NBEAL1: variants seen among roughly 807,000 people sequenced by gnomAD.
NBEAL1 encodes the protein neurobeachin like 1, also known as neurobeachin-like protein 1.
NBEAL1 carries 273 observed loss-of-function variants against 351.3 expected under a neutral mutation model. That is an observed-to-expected ratio of 0.78 (90% CI 0.70 to 0.86). NBEAL1 has a LOEUF of 0.86. Ranked by LOEUF, NBEAL1 falls within the 40% of genes least tolerant of loss-of-function variation. The pLI is 0.00. For synonymous variants in NBEAL1, 1,050 were observed against 1,086.4 expected, an observed-to-expected ratio of 0.97 and a Z score of 0.66; for missense variants, 2,961 against 3,201.3, an observed-to-expected ratio of 0.92 and a Z score of 1.81.
rs372874423 is a variant in NBEAL1 at position 203,221,930 on chromosome 2, T to G, written c.*4576T>G. 6.6e-6 allele frequency among the ~76,000 whole-genome samples: 1 copy of G among 152,270 alleles called. No homozygotes were observed. Among genetic ancestry groups the G allele is most frequent in the African/African-American group, 2.4e-5 (1 of 41,564 alleles). On this transcript the variant is annotated 3_prime_UTR_variant, in exon 56 of 56. Transcript: ENST00000683969. ...TAGGCCAAGCATGGTGGCTCATGCC[T>G]ATAATCTCAGCACTTTAGGAGGCTG...
At position 203,223,196 on chromosome 2, in the gene NBEAL1, C is replaced by T. The variant is rs1663179691; in HGVS notation, c.*5842C>T. ...GTGGCTTTAGTGATAAGTAAAAGGG[C>T]ACATTCAACAATATTTACCTTTGTC... On this transcript the variant is annotated 3_prime_UTR_variant, in exon 56 of 56. Coordinates refer to ENST00000683969, the MANE Select transcript of NBEAL1 (RefSeq NM_001378026.1). 1.3e-5 allele frequency among the ~76,000 whole-genome samples: 2 copies of T among 152,108 alleles called. No individual in the cohort carries two copies. Among genetic ancestry groups the T allele is most frequent in the Non-Finnish European group, 2.9e-5 (2 of 67,986 alleles).
intron 42 of NBEAL1, among the ~76,000 whole-genome samples, chr2:203,180,113 T>G (rs1379805532): frequency 6.6e-6 from 1 of 152,184 alleles, no homozygotes; most frequent in Non-Finnish European, 1.5e-5. Flanking sequence ...TTATTTGAAA[T>G]TTTTCTCCAG....
intron 10 of NBEAL1, among the ~76,000 whole-genome samples, chr2:203,096,321 A>G (rs2062183605): frequency 1.3e-5 from 2 of 152,172 alleles, no homozygotes; most frequent in South Asian, 4.1e-4. Context: ...CTCTTCCATA[A>G]CATATAATAC....
At chr2:203,146,545 C>A (rs2063518537) in intron 33 of NBEAL1, among the ~76,000 whole-genome samples, 1 of 152,114 alleles carries the variant, frequency 6.6e-6, no homozygotes, top group Non-Finnish European at 1.5e-5. Flanking sequence ...GTAATCCCAG[C>A]ACTTTAGGAG....
chr2:203,130,961 C>G (rs2063058409), intron 25 of NBEAL1, among the ~76,000 whole-genome samples: 1 of 152,148 alleles, frequency 6.6e-6, no homozygotes, highest in Non-Finnish European at 1.5e-5. Context: ...AGTTGCTTCA[C>G]AAATGTTTAC....
chr2:203,171,910 C>G lies in NBEAL1; in HGVS notation c.6103-18C>G. ...TAGATTTTTAAATTTTGATATTGCT[C>G]TTTTTTGTGCTGTCTAGAAATGGGT... is the stretch of plus-strand genomic sequence containing the variant. On this transcript the variant is annotated intron_variant, in intron 39 of 55. Transcript: ENST00000683969. The G allele has an allele frequency of 2.1e-6, 3 of 1,461,146 alleles. No individual in the cohort carries two copies. The highest frequency in any genetic ancestry group is 1.4e-5 in the African/African-American group (1 of 69,066). 90.5% of individuals were successfully genotyped at this position (1,461,146 alleles called of 1,614,324 possible).
Position 203,138,620 on chromosome 2 carries a change from C to A in NBEAL1, c.4720C>A (p.Leu1574Ile). 6.3e-7 allele frequency: 1 copy of A among 1,588,298 alleles called. No individual in the cohort carries two copies. Among genetic ancestry groups the A allele is most frequent in the South Asian group, 1.2e-5 (1 of 85,158 alleles). ...LVNSNMWTEKLLEDMMLLFDC... is the reference protein window; with the variant it reads ...LVNSNMWTEKILEDMMLLFDC... ...TCTCAATTTTTTTCCTTTGTGATAG[C>A]TTTTAGAGGATATGATGCTGCTCTT... Residue 1574 changes from leucine to isoleucine, a missense_variant and splice_region_variant, in exon 31 of 56, where the codon CTT (leucine) becomes ATT (isoleucine). Coordinates refer to ENST00000683969, the MANE Select transcript of NBEAL1 (RefSeq NM_001378026.1).
chr2:203,171,405 G>A (rs745867465), intron 39 of NBEAL1, among the ~76,000 whole-genome samples: 3 of 152,112 alleles, frequency 2.0e-5, no homozygotes, highest in East Asian at 1.9e-4. Flanking sequence ...AGGAGTTTGA[G>A]ACCAGCCTGG....
chr2:203,111,441 G>C lies in NBEAL1; in HGVS notation c.2083-538G>C, dbSNP rs1046694692. Among the ~76,000 whole-genome samples the C allele has an allele frequency of 2.0e-5, 3 of 152,108 alleles. No homozygotes were observed. In the East Asian group the frequency reaches 5.8e-4, roughly 29 times the overall value. ...GGCTGGAGTCAGTGGCGCCATCTCA[G>C]CTTACTGCAACTTCTACCTCCCGAG... is the stretch of plus-strand genomic sequence containing the variant. On this transcript the variant is annotated intron_variant, in intron 15 of 55. Coordinates refer to ENST00000683969, the MANE Select transcript of NBEAL1 (RefSeq NM_001378026.1).
chr2:203,174,329 T>C lies in NBEAL1; in HGVS notation c.6324-818T>C, dbSNP rs2064425871. On this transcript the variant is annotated intron_variant, in intron 41 of 55. Coordinates refer to ENST00000683969, the MANE Select transcript of NBEAL1 (RefSeq NM_001378026.1). ...TACAGTATTATGTACCTGTTAAAAATAGACTACTCAGTCATTTGGAAAGAT... is the reference window on the plus strand; with the variant it reads ...TACAGTATTATGTACCTGTTAAAAACAGACTACTCAGTCATTTGGAAAGAT... 4.0e-5 allele frequency among the ~76,000 whole-genome samples: 6 copies of C among 149,144 alleles called. No individual in the cohort carries two copies. In the Admixed American group the frequency reaches 4.1e-4, roughly 10 times the overall value.
In NBEAL1 at chr2:203,222,032, T is replaced by TA. The variant is rs2065959183; in HGVS notation, c.*4684dup. Among the ~76,000 whole-genome samples the TA allele has an allele frequency of 2.0e-5, 3 of 152,028 alleles. No individual in the cohort carries two copies. The highest frequency in any genetic ancestry group is 2.0e-4 in the Admixed American group (3 of 15,262). ...AGTGGGCTCCACCTCTACAAGACAT[T>TA]AAAAAATTAGCCTTGTGTGCTGGCA... On this transcript the variant is annotated 3_prime_UTR_variant, in exon 56 of 56. Coordinates refer to ENST00000683969, the MANE Select transcript of NBEAL1 (RefSeq NM_001378026.1).
intron 2 of NBEAL1, among the ~76,000 whole-genome samples, chr2:203,038,898 TC>T (rs1476045363): frequency 6.7e-6 from 1 of 148,814 alleles, no homozygotes; most frequent in Non-Finnish European, 1.5e-5. Flanking sequence ...TAGGCTGGTC[TC>T]GAATTCCTGG....
intron 46 of NBEAL1, among the ~76,000 whole-genome samples, chr2:203,192,560 A>G (rs972535508): frequency 4.6e-5 from 7 of 151,874 alleles, no homozygotes; most frequent in Admixed American, 3.3e-4. Context: ...AATTTTTTGT[A>G]TTTTTAGTAG....
chr2:203,016,456 T>G (rs1292931289), intron 2 of NBEAL1, 21 bp downstream of exon 2: 1 of 1,399,594 alleles, frequency 7.1e-7, no homozygotes, highest in Non-Finnish European at 9.6e-7. Context: ...TCCTTTTTAT[T>G]TTTATGTTTT....
intron 4 of NBEAL1, among the ~76,000 whole-genome samples, chr2:203,053,103 A>G (rs993638990): frequency 3.9e-5 from 6 of 152,198 alleles, no homozygotes; most frequent in Admixed American, 1.3e-4. Flanking sequence ...GCTGAAGAGT[A>G]TAATTGCTGT....
chr2:203,205,514 C>G (rs1410527153), intron 51 of NBEAL1, among the ~76,000 whole-genome samples: 1 of 152,000 alleles, frequency 6.6e-6, no homozygotes, highest in Non-Finnish European at 1.5e-5. Context: ...GCTGTTTTTC[C>G]CAGTTTATCT....
intron 36 of NBEAL1, among the ~76,000 whole-genome samples, chr2:203,158,583 T>C (rs2063858300): frequency 6.6e-6 from 1 of 152,194 alleles, no homozygotes; most frequent in African/African-American, 2.4e-5. Context: ...TTACATTTCT[T>C]TGTATAAGTT....
In NBEAL1 at chr2:203,032,386, G is replaced by A. The variant is rs186796424; in HGVS notation, c.52-9379G>A. On this transcript the variant is annotated intron_variant, in intron 2 of 55. Transcript: ENST00000683969. ...TAAGAAGATAAGAACAGCTGGGCAC[G>A]GTGGCTCACACCTGTAATCCCAGCA... Among the ~76,000 whole-genome samples, 15 of 152,162 alleles carry A rather than the reference G, an allele frequency of 9.9e-5. No homozygotes were observed. In the Middle Eastern group the frequency reaches 0.01, roughly 104 times the overall value.
At chr2:203,019,416 C>G (rs1017753449) in intron 2 of NBEAL1, among the ~76,000 whole-genome samples, 1 of 152,176 alleles carries the variant, frequency 6.6e-6, no homozygotes, top group Non-Finnish European at 1.5e-5. Flanking sequence ...AATTTACTAG[C>G]ATCCTCCCAA....
Sources: allele counts gnomAD v4.1 joint callset (sites outside exome capture counted in the v4.1 genomes callset), GRCh38; gene constraint gnomAD v4.1.1; transcripts MANE v1.5; gene names NCBI Gene and HGNC (gene_info 2026-07-23, HGNC 2026-07-21).